Variants in AKAP9 observed in about 807,000 individuals in gnomAD.
AKAP9 encodes A-kinase anchoring protein 9, also known as A-kinase anchor protein 9.
AKAP9 carries 311 observed loss-of-function variants against 488.5 expected under a neutral mutation model. That is an observed-to-expected ratio of 0.64 (90% CI 0.58 to 0.70). The LOEUF (loss-of-function observed/expected upper bound fraction) is 0.70. Ranked by LOEUF, AKAP9 falls within the 30% of genes least tolerant of loss-of-function variation. AKAP9 has a pLI of 0.00. For synonymous variants in AKAP9, 1,462 were observed against 1,483.5 expected (o/e 0.99, Z 0.33); for missense variants, 4,215 against 4,374.5 (o/e 0.96, Z 1.03).
rs112225673 is a variant in AKAP9, at chr7:91,982,094, G to A, written c.351+1761G>A. On this transcript the variant is annotated intron_variant, in intron 3 of 49. Coordinates refer to ENST00000356239, the MANE Select transcript of AKAP9 (RefSeq NM_005751.5). ...ATGAAATTTGGTTACAATTTGTATAGCTGTTTTCTCACATTGAGATAATAG... is the reference window on the plus strand; with the variant it reads ...ATGAAATTTGGTTACAATTTGTATAACTGTTTTCTCACATTGAGATAATAG... 3.3e-5 allele frequency among the ~76,000 whole-genome samples: 5 copies of A among 152,112 alleles called. 1 individual carries two copies. Among genetic ancestry groups the A allele is most frequent in the African/African-American group, 1.2e-4 (5 of 41,490 alleles).
intron 1 of AKAP9, among the ~76,000 whole-genome samples, chr7:91,963,527 C>CACAT (rs1267784259): frequency 4.8e-5 from 7 of 145,046 alleles, no homozygotes; most frequent in East Asian, 2.1e-4. Context: ...CACACACACA[C>CACAT]ATATTTTTGA....
rs71292989 is a variant in AKAP9, at chr7:92,040,646, GTT to G, written c.4693-12_4693-11del. 13,806 of 1,093,318 alleles carry G rather than the reference GTT, an allele frequency of 0.013. No homozygotes were observed. The highest frequency in any genetic ancestry group is 0.014 in the Non-Finnish European group (10,701 of 771,548). 67.7% of individuals were successfully genotyped at this position (1,093,318 alleles called of 1,614,324 possible). A position where few individuals can be genotyped will look rare whatever the true frequency, so the allele number is the denominator to read the frequency against. On this transcript the variant is annotated intron_variant, in intron 17 of 49. Transcript: ENST00000356239. ...TTACAAAATGTGTTATGGTTGAATTGTTTTTTTTTTTTTTTTTACTATTAAAG... is the reference window on the plus strand; with the variant it reads ...TTACAAAATGTGTTATGGTTGAATTGTTTTTTTTTTTTTTTACTATTAAAG...
chr7:92,073,938 A>G (rs940107735), intron 28 of AKAP9, among the ~76,000 whole-genome samples: 1 of 152,234 alleles, frequency 6.6e-6, no homozygotes, highest in African/African-American at 2.4e-5. Flanking sequence ...CCTAGGCAAT[A>G]CCATTCAGGA....
At chr7:92,099,220 C>T (rs980162827) in intron 43 of AKAP9, among the ~76,000 whole-genome samples, 2 of 152,180 alleles carry the variant, frequency 1.3e-5, no homozygotes, top group African/African-American at 4.8e-5. Flanking sequence ...GTCCCTTAGT[C>T]GTTGCCTCCA....
At chr7:92,043,370 AAGAC>A (rs1806429168) in intron 20 of AKAP9, 1 of 973,720 alleles carries the variant, frequency 1.0e-6, no homozygotes, top group Non-Finnish European at 1.2e-6. Context: ...TCAAACAAGA[AAGAC>A]AGTGTATGAA....
At chr7:92,081,497 A>ATATATTT (rs1370452281) in intron 31 of AKAP9, among the ~76,000 whole-genome samples, 1 of 85,380 alleles carries the variant, frequency 1.2e-5, no homozygotes, top group Admixed American at 1.4e-4. Context: ...ATATATATAT[A>ATATATTT]TTTTTTTTTT....
In AKAP9 at chr7:92,086,523, C is replaced by T. The variant is rs1814596783; in HGVS notation, c.9213+107C>T. ...AAGGTTAAGATTTTAATAGGAGCCA[C>T]TATGAATATTTTAAAAAAATTATTG... On this transcript the variant is annotated intron_variant, in intron 37 of 49. Coordinates refer to ENST00000356239, the MANE Select transcript of AKAP9 (RefSeq NM_005751.5). 3.5e-6 allele frequency: 3 copies of T among 862,448 alleles called. No individual in the cohort carries two copies. The Admixed American group carries it at 6.8e-5, about 19-fold the overall frequency. 53.4% of individuals were successfully genotyped at this position (862,448 alleles called of 1,614,324 possible).
At chr7:92,022,472 G>T in intron 13 of AKAP9, 120 bp downstream of exon 13, 2 of 721,878 alleles carry the variant, frequency 2.8e-6, no homozygotes, top group Non-Finnish European at 2.4e-6. Context: ...TAGCCTCTCT[G>T]ATCTCAATTT....
intron 46 of AKAP9, 124 bp downstream of exon 46, chr7:92,102,950 C>G: frequency 1.1e-6 from 1 of 879,472 alleles, no homozygotes; most frequent in Non-Finnish European, 1.8e-6. Flanking sequence ...TATGTGCCAT[C>G]ACTGAAGCAT....
rs185684403 is a variant in AKAP9 at position 91,941,977 on chromosome 7, T to C, written c.48+830T>C. Among the ~76,000 whole-genome samples, 26 of 152,178 alleles carry C rather than the reference T, an allele frequency of 1.7e-4. No individual in the cohort carries two copies. The East Asian group carries it at 5.0e-3, about 29-fold the overall frequency. The stretch of plus-strand genomic sequence containing the variant: ...CACAATTATACACAGGCATCGTTCA[T>C]TGGGCTTCATGAGAAATTTAACATA... On this transcript the variant is annotated intron_variant, in intron 1 of 49. Transcript: ENST00000356239.
At position 92,002,625 on chromosome 7, in the gene AKAP9, A is replaced by G. The variant is rs763856531; in HGVS notation, c.2708A>G (p.Gln903Arg). 1 of 1,612,524 alleles carries G rather than the reference A, an allele frequency of 6.2e-7. No homozygotes were observed. The highest frequency in any genetic ancestry group is 1.3e-5 in the African/African-American group (1 of 74,918). The stretch of plus-strand genomic sequence containing the variant: ...GCACTTAATGAAGAGCTTCATTTGC[A>G]AAGAATAAATCCAACTACAGTGAAA... ...LKALNEELHL[Q>R]RINPTTVKMK... The change falls in exon 8 of 50, where the codon CAA (glutamine) becomes CGA (arginine). Residue 903 changes from glutamine to arginine, a missense_variant. Physicochemically the swap from Gln to Arg is conservative, Grantham distance 43. This residue lies in a region of AKAP9 where 2,361 missense variants were observed against 2,430.0 expected (regional missense o/e 0.97). Coordinates refer to ENST00000356239, the MANE Select transcript of AKAP9 (RefSeq NM_005751.5).
At chr7:92,072,274 T>C (rs1350512270) in intron 28 of AKAP9, among the ~76,000 whole-genome samples, 1 of 152,150 alleles carries the variant, frequency 6.6e-6, no homozygotes, top group Non-Finnish European at 1.5e-5. Flanking sequence ...TGAGAAACTT[T>C]AGAGGGCATC....
intron 6 of AKAP9, among the ~76,000 whole-genome samples, chr7:91,995,132 T>C (rs888413494): frequency 6.6e-6 from 1 of 152,244 alleles, no homozygotes; most frequent in African/African-American, 2.4e-5. Context: ...ACTAAATATA[T>C]TCCATTTTCC....
intron 1 of AKAP9, among the ~76,000 whole-genome samples, chr7:91,972,616 A>G (rs7806157): frequency 0.36 from 55,327 of 152,118 alleles, 10,360 homozygotes; most frequent in Middle Eastern, 0.39. Context: ...GTAATAATCT[A>G]AGCTCTGTAT....
In AKAP9 at chr7:92,002,654, A is replaced by T; in HGVS notation, c.2737A>T (p.Lys913Ter). Residue 913 changes from lysine (K) to a stop codon, truncating the protein, a stop_gained, in exon 8 of 50, where the codon AAA (lysine) becomes TAA (stop). Transcript: ENST00000356239. LOFTEE classifies it high-confidence loss of function. ...QRINPTTVKM[K>*]SSVFDEDKTF... Reference sequence around the variant, plus strand: ...AATAAATCCAACTACAGTGAAAATGAAAAGTTCTGTCTTTGATGAAGACAA... The same window carrying T: ...AATAAATCCAACTACAGTGAAAATGTAAAGTTCTGTCTTTGATGAAGACAA... 1 of 1,613,376 alleles carries T rather than the reference A, an allele frequency of 6.2e-7. No homozygotes were observed. Among genetic ancestry groups the T allele is most frequent in the South Asian group, 1.1e-5 (1 of 91,036 alleles).
Position 92,065,455 on chromosome 7 carries a change from T to A in AKAP9, c.6202T>A (p.Phe2068Ile), listed in dbSNP as rs1810619026. 6.2e-7 allele frequency: 1 copy of A among 1,606,510 alleles called. No homozygotes were observed. Among genetic ancestry groups the A allele is most frequent in the Non-Finnish European group, 8.5e-7 (1 of 1,174,152 alleles). Residue 2068 changes from phenylalanine to isoleucine, a missense_variant, in exon 25 of 50, where the codon TTT (phenylalanine) becomes ATT (isoleucine). Physicochemically the swap from Phe to Ile is conservative, Grantham distance 21. Around this residue, in one of 5 missense-constraint regions of AKAP9, gnomAD observed 2,361 missense variants for 2,430.0 expected, o/e 0.97. Transcript: ENST00000356239. ...LEKQLEKMRKFLDEQAIDREH... is the reference protein window; with the variant it reads ...LEKQLEKMRKILDEQAIDREH... Reference sequence around the variant, plus strand: ...AAAGCAGTTAGAAAAAATGAGAAAATTTTTAGATGTAAGTATTCTCAAGTT... The same window carrying A: ...AAAGCAGTTAGAAAAAATGAGAAAAATTTTAGATGTAAGTATTCTCAAGTT...
Position 92,085,591 on chromosome 7 carries a change from T to G in AKAP9, c.8929T>G (p.Ser2977Ala), listed in dbSNP as rs186619641. The G allele has an allele frequency of 2.5e-6, 4 of 1,613,888 alleles. No homozygotes were observed. The African/African-American group carries it at 5.3e-5, about 22-fold the overall frequency. Residue 2977 changes from serine to alanine, a missense_variant, in exon 36 of 50, where the codon TCA becomes GCA. Around this residue, in one of 5 missense-constraint regions of AKAP9, gnomAD observed 1,476 missense variants for 1,477.4 expected, o/e 1.00. Transcript: ENST00000356239. ...AGAGGACCATTCTATTCAGCAGGTT[T>G]CAGAACCTTGGCTAGAAGAGAGAAA... ...DGEDHSIQQVSEPWLEERKAY... is the reference protein window; with the variant it reads ...DGEDHSIQQVAEPWLEERKAY...
chr7:92,102,536 A>G, intron 45 of AKAP9, 58 bp from the exon 46 acceptor site: 6 of 1,473,760 alleles, frequency 4.1e-6, no homozygotes, highest in African/African-American at 1.4e-5. Context: ...ATTTTCCCCT[A>G]GAGAGCAGGG....
chr7:92,042,588 T>C, intron 19 of AKAP9, 80 bp from the exon 20 acceptor site: 2 of 992,068 alleles, frequency 2.0e-6, no homozygotes, highest in Non-Finnish European at 3.2e-6. Flanking sequence ...CATACCAATA[T>C]AGAAGAATGA....
Sources: allele counts gnomAD v4.1 joint callset (sites outside exome capture counted in the v4.1 genomes callset), GRCh38; gene constraint gnomAD v4.1.1; regional missense constraint gnomAD v4.1.1; transcripts MANE v1.5; gene names NCBI Gene and HGNC (gene_info 2026-07-23, HGNC 2026-07-21).